PFKFB3: variants seen among roughly 807,000 people sequenced by gnomAD.
PFKFB3 encodes the protein 6-phosphofructo-2-kinase/fructose-2,6-biphosphatase 3.
Under a neutral mutation model 68.0 loss-of-function variants are expected in PFKFB3, and 33 were observed. The ratio of observed to expected loss-of-function variants is 0.49; its 90% CI spans 0.37 to 0.65. PFKFB3 has a LOEUF of 0.65. Ranked by LOEUF, PFKFB3 falls within the 30% of genes least tolerant of loss-of-function variation. The pLI is 0.00. For synonymous variants in PFKFB3, 315 were observed against 288.2 expected (o/e 1.09, Z -0.94); for missense variants, 586 against 712.2 (o/e 0.82, Z 2.02).
intron 1 of PFKFB3, among the ~76,000 whole-genome samples, chr10:6,164,398 G>A (rs1842067359): frequency 3.3e-5 from 5 of 152,230 alleles, no homozygotes; most frequent in Admixed American, 3.3e-4. Flanking sequence ...GTCACAGGAG[G>A]CATGGTTGAA....
At chr10:6,206,408 C>G (rs1371211117) in intron 1 of PFKFB3, among the ~76,000 whole-genome samples, 1 of 132,318 alleles carries the variant, frequency 7.6e-6, no homozygotes, top group Non-Finnish European at 1.6e-5. Context: ...CCCCTTTCCC[C>G]CCTTTCTATT....
intron 1 of PFKFB3, among the ~76,000 whole-genome samples, chr10:6,185,584 A>G (rs1038827682): frequency 2.0e-5 from 3 of 148,240 alleles, no homozygotes; most frequent in African/African-American, 5.0e-5. Flanking sequence ...CTGGGTCACT[A>G]CCTGGCACTC....
the PFKFB3 span, among the ~76,000 whole-genome samples, chr10:6,280,393 G>A: frequency 6.6e-6 from 1 of 152,242 alleles, no homozygotes; most frequent in Non-Finnish European, 1.5e-5. Flanking sequence ...GCCTGTGGAA[G>A]GCATCAGCCA....
At chr10:6,225,583 C>T (rs1396723763) in intron 13 of PFKFB3, among the ~76,000 whole-genome samples, 1 of 152,260 alleles carries the variant, frequency 6.6e-6, no homozygotes, top group African/African-American at 2.4e-5. Context: ...GCCCACACCC[C>T]ATCACGCTGT....
intron 1 of PFKFB3, chr10:6,163,854 T>A (rs1161518118): frequency 3.3e-5 from 5 of 151,996 alleles, no homozygotes; most frequent in Non-Finnish European, 7.4e-5. Flanking sequence ...GGCCCCAGCC[T>A]GCTCTGCGGC....
intron 1 of PFKFB3, among the ~76,000 whole-genome samples, chr10:6,204,486 C>G (rs1458864169): frequency 6.6e-6 from 1 of 152,234 alleles, no homozygotes; most frequent in African/African-American, 2.4e-5. Context: ...GTCTGAATCA[C>G]CGGCCTCGTC....
At position 6,159,627 on chromosome 10, in the gene PFKFB3, G is replaced by C. The variant is rs560451638; in HGVS notation, c.16+14614G>C. ...GAATCGCTTGAACCCGGGAGGAGGA[G>C]GTTGCGGTGAGCCGAGATTACACCA... is the stretch of plus-strand genomic sequence containing the variant. On this transcript the variant is annotated intron_variant, in intron 1 of 14. Coordinates refer to the PFKFB3 transcript ENST00000379789. Among the ~76,000 whole-genome samples the C allele has an allele frequency of 2.4e-4, 37 of 151,502 alleles. 1 individual carries two copies. The East Asian group carries it at 6.6e-3, about 27-fold the overall frequency.
At chr10:6,306,904 T>C in the PFKFB3 span, among the ~76,000 whole-genome samples, 2 of 152,254 alleles carry the variant, frequency 1.3e-5, no homozygotes, top group African/African-American at 2.4e-5. Context: ...ATTAACTTCA[T>C]TGGGCCAATG....
Position 6,146,272 on chromosome 10 carries a change from G to C in PFKFB3, c.16+1259G>C, listed in dbSNP as rs1841386075. The C allele has an allele frequency of 3.7e-5, 54 of 1,475,566 alleles. 1 individual carries two copies. The South Asian group carries it at 7.0e-4, about 19-fold the overall frequency. 91.4% of individuals were successfully genotyped at this position (1,475,566 alleles called of 1,614,324 possible). A position where few individuals can be genotyped will look rare whatever the true frequency, so the allele number is the denominator to read the frequency against. On this transcript the variant is annotated intron_variant, in intron 1 of 14. Transcript: ENST00000379789. The stretch of plus-strand genomic sequence containing the variant: ...CAGCGTGATGCTACGGTTGCCTGGA[G>C]GCTGTACCGGACTTGTTTTTCAAAC...
chr10:6,146,143 T>G lies in PFKFB3; in HGVS notation c.16+1130T>G, dbSNP rs572127863. On this transcript the variant is annotated intron_variant, in intron 1 of 14. Transcript: ENST00000379789. ...GGACGTTGAGGACTGGGGGTGTGTG[T>G]GGGGGGAGCCTGGCCTCCCCTGGCA... The G allele has an allele frequency of 2.0e-4, 153 of 777,790 alleles. 1 individual carries two copies. In the African/African-American group the frequency reaches 2.4e-3, roughly 12 times the overall value. The allele number at this position is 777,790 out of a possible 1,614,324, so 48.2% of individuals were successfully genotyped here. A position where few individuals can be genotyped will look rare whatever the true frequency, so the allele number is the denominator to read the frequency against.
chr10:6,284,902 G>A, the PFKFB3 span, among the ~76,000 whole-genome samples: 2 of 152,130 alleles, frequency 1.3e-5, no homozygotes, highest in African/African-American at 2.4e-5. Flanking sequence ...CTATGTTATA[G>A]CATAAATCAG....
At chr10:6,308,602 A>G in the PFKFB3 span, among the ~76,000 whole-genome samples, 2 of 152,132 alleles carry the variant, frequency 1.3e-5, no homozygotes, top group African/African-American at 4.8e-5. Flanking sequence ...AGACTCCTTT[A>G]ATTTATTCAG....
intron 1 of PFKFB3, among the ~76,000 whole-genome samples, chr10:6,160,422 C>A (rs76026671): frequency 0.011 from 1,650 of 152,252 alleles, 67 homozygotes; most frequent in East Asian, 0.1. Flanking sequence ...TGACCTGTTA[C>A]AAGATCAGCA....
intron 1 of PFKFB3, among the ~76,000 whole-genome samples, chr10:6,151,619 C>G (rs773208333): frequency 4.5e-4 from 68 of 152,254 alleles, no homozygotes; most frequent in Non-Finnish European, 5.7e-4. Flanking sequence ...TGGAAGTCCT[C>G]TCCTGAGGCT....
At chr10:6,225,363 G>GAT (rs2132010045) in intron 13 of PFKFB3, 1 of 383,024 alleles carries the variant, frequency 2.6e-6, no homozygotes, top group East Asian at 7.4e-5. Context: ...AGAGGCTGGG[G>GAT]TCCCTTGGCC....
downstream of PFKFB3, among the ~76,000 whole-genome samples, chr10:6,256,450 C>T (rs1003381441): frequency 2.0e-5 from 3 of 152,172 alleles, no homozygotes; most frequent in Admixed American, 6.5e-5. Context: ...GGACGAGGCT[C>T]TACATGGTCC....
chr10:6,202,919 C>CGCGG, upstream of PFKFB3: 1 of 1,186,364 alleles, frequency 8.4e-7, no homozygotes, highest in Non-Finnish European at 1.0e-6. Flanking sequence ...GCCGGCGGTG[C>CGCGG]GCGGGGCATC....
the PFKFB3 span, chr10:6,294,038 A>T: frequency 3.8e-6 from 2 of 525,066 alleles, no homozygotes; most frequent in South Asian, 2.8e-5. Context: ...TACCAGTTAT[A>T]GGAGCCATTG....
chr10:6,171,291 G>A (rs530421018), intron 1 of PFKFB3, among the ~76,000 whole-genome samples: 1 of 152,228 alleles, frequency 6.6e-6, no homozygotes, highest in South Asian at 2.1e-4. Flanking sequence ...CCGACCTCAG[G>A]TGATCCACCC....
Sources: gnomAD v4.1 joint callset for allele counts (sites outside exome capture counted in the v4.1 genomes callset) on GRCh38, gnomAD v4.1.1 for gene constraint, MANE v1.5 for transcripts, NCBI Gene and HGNC (gene_info 2026-07-23, HGNC 2026-07-21) for gene names.